PGLYRP3: variants seen among roughly 807,000 people sequenced by gnomAD.
The protein encoded by PGLYRP3 is peptidoglycan recognition protein 3, also known as peptidoglycan recognition protein I alpha.
Under a neutral mutation model 36.0 loss-of-function variants are expected in PGLYRP3, and 39 were observed. The ratio of observed to expected loss-of-function variants is 1.08; its 90% CI spans 0.84 to 1.41. The LOEUF is 1.41. PGLYRP3 is among the 40% of genes most tolerant of loss of function. The pLI is 0.00. For missense variants in PGLYRP3, 407 were observed against 427.9 expected, an observed-to-expected ratio of 0.95 and a Z score of 0.43; for synonymous variants, 204 against 172.8, an observed-to-expected ratio of 1.18 and a Z score of -1.42.
At chr1:153,302,683 G>C in intron 5 of PGLYRP3, 76 bp from the exon 6 acceptor site, 2 of 1,417,518 alleles carry the variant, frequency 1.4e-6, no homozygotes, top group Admixed American at 3.5e-5. Flanking sequence ...CTCCAGGCTG[G>C]ATTATTCCTC....
Position 153,304,491 on chromosome 1 carries a change from A to T in PGLYRP3, c.376+456T>A, listed in dbSNP as rs145589270. Among the ~76,000 whole-genome samples, 467 of 152,266 alleles carry T rather than the reference A, an allele frequency of 3.1e-3. 2 individuals are homozygous for T. Among genetic ancestry groups the T allele is most frequent in the African/African-American group, 9.9e-3 (413 of 41,540 alleles). On this transcript the variant is annotated intron_variant, in intron 4 of 7. Transcript: ENST00000683862. ...GGCAGGTGCTGGTTCCATATGTATTATTTCTCAGCTCCATCCCTGTTCTGT... is the reference window on the plus strand; with the variant it reads ...GGCAGGTGCTGGTTCCATATGTATTTTTTCTCAGCTCCATCCCTGTTCTGT...
chr1:153,306,385 G>C (rs1482721485), intron 3 of PGLYRP3, among the ~76,000 whole-genome samples: 1 of 152,174 alleles, frequency 6.6e-6, no homozygotes, highest in Non-Finnish European at 1.5e-5. Context: ...TTCCACTGAT[G>C]ATCCCCAGAG....
chr1:153,302,213 ACGT>A (rs1468436687), intron 6 of PGLYRP3, among the ~76,000 whole-genome samples, 193 bp downstream of exon 6: 1 of 152,224 alleles, frequency 6.6e-6, no homozygotes, highest in African/African-American at 2.4e-5. Flanking sequence ...TTGTGGAGAT[ACGT>A]CCAAGCGAGG....
chr1:153,302,630 G>A (rs977607936), intron 5 of PGLYRP3, 23 bp from the exon 6 acceptor site: 1 of 1,612,462 alleles, frequency 6.2e-7, no homozygotes, highest in Non-Finnish European at 8.5e-7. Flanking sequence ...GAAAAGCCAA[G>A]GAAGTAGGAA....
intron 2 of PGLYRP3, among the ~76,000 whole-genome samples, chr1:153,308,308 CA>C (rs1659809051): frequency 6.6e-6 from 1 of 152,210 alleles, no homozygotes; most frequent in East Asian, 1.9e-4. Context: ...TCTCTTTCTT[CA>C]TTTGAGTTTC....
chr1:153,307,998 C>CTA (rs1331121808), intron 2 of PGLYRP3, among the ~76,000 whole-genome samples: 1 of 121,738 alleles, frequency 8.2e-6, no homozygotes, highest in Non-Finnish European at 1.9e-5. Context: ...CCTTCTCTCT[C>CTA]TCTTTTTTTT....
chr1:153,304,070 C>A (rs1659674770), intron 4 of PGLYRP3, 61 bp from the exon 5 acceptor site: 1 of 1,496,430 alleles, frequency 6.7e-7, no homozygotes, highest in Non-Finnish European at 9.1e-7. Flanking sequence ...AGACCAGACA[C>A]CTGCAGAAAG....
At chr1:153,311,959 T>C (rs1659906062) in intron 1 of PGLYRP3, among the ~76,000 whole-genome samples, 2 of 152,204 alleles carry the variant, frequency 1.3e-5, no homozygotes, top group African/African-American at 4.8e-5. Context: ...GGAAAAATGT[T>C]CAGCCTCCCT....
chr1:153,301,691 C>T (rs774769488), intron 6 of PGLYRP3, among the ~76,000 whole-genome samples: 5 of 152,352 alleles, frequency 3.3e-5, no homozygotes, highest in Admixed American at 2.0e-4. Context: ...TGCAAAAGCA[C>T]ATCTACCTGA....
intron 2 of PGLYRP3, among the ~76,000 whole-genome samples, chr1:153,308,626 A>G (rs1234749387): frequency 6.6e-6 from 1 of 152,208 alleles, no homozygotes; most frequent in Non-Finnish European, 1.5e-5. Flanking sequence ...CCCCTGCAAG[A>G]GAGCACTGGT....
At chr1:153,303,698 A>G (rs1352141877) in intron 5 of PGLYRP3, among the ~76,000 whole-genome samples, 159 bp downstream of exon 5, 1 of 152,222 alleles carries the variant, frequency 6.6e-6, no homozygotes, top group Admixed American at 6.5e-5. Context: ...GAGGCCAGGA[A>G]GATGCCCTCT....
intron 6 of PGLYRP3, among the ~76,000 whole-genome samples, chr1:153,300,778 CT>C (rs1392203721): frequency 6.6e-6 from 1 of 152,120 alleles, no homozygotes; most frequent in Non-Finnish European, 1.5e-5. Context: ...TCAAAACAAA[CT>C]TTTGCCTTTT....
intron 6 of PGLYRP3, among the ~76,000 whole-genome samples, chr1:153,301,183 A>G (rs1396619837): frequency 6.6e-6 from 1 of 152,120 alleles, no homozygotes; most frequent in Non-Finnish European, 1.5e-5. Flanking sequence ...GGCCTCCTAA[A>G]ATGCTGAGAT....
chr1:153,307,627 T>TA (rs1322400617), intron 2 of PGLYRP3, among the ~76,000 whole-genome samples: 1 of 152,136 alleles, frequency 6.6e-6, no homozygotes, highest in Non-Finnish European at 1.5e-5. Context: ...GCTGCCTCCT[T>TA]AGCCCAGAAG....
At position 153,307,080 on chromosome 1, in the gene PGLYRP3, G is replaced by A. The variant is rs372903915; in HGVS notation, c.243C>T (p.Cys81=). Residue 81 remains cysteine (C), a synonymous_variant, in exon 3 of 8, where the codon TGC becomes TGT. Transcript: ENST00000683862. ...QSHSVYTIGW[C]DVAYNFLVGD... Reference sequence around the variant, plus strand: ...TAGCCTCTTACTTGTACGCCACGTCGCACCAGCCTATGGTGTAGACGGAAT... The same window carrying A: ...TAGCCTCTTACTTGTACGCCACGTCACACCAGCCTATGGTGTAGACGGAAT... The A allele has an allele frequency of 2.6e-5, 42 of 1,613,268 alleles. No homozygotes were observed. The highest frequency in any genetic ancestry group is 5.5e-5 in the South Asian group (5 of 90,944).
chr1:153,308,159 T>G (rs1659801405), intron 2 of PGLYRP3, among the ~76,000 whole-genome samples: 5 of 152,074 alleles, frequency 3.3e-5, no homozygotes, highest in Admixed American at 2.6e-4. Context: ...TATGCCAAAC[T>G]AATTTTTTGT....
At chr1:153,303,344 G>C (rs568549699) in intron 5 of PGLYRP3, among the ~76,000 whole-genome samples, 1 of 152,196 alleles carries the variant, frequency 6.6e-6, no homozygotes, top group Admixed American at 6.5e-5. Context: ...CATTTAGAAA[G>C]GTATGTAAGC....
intron 6 of PGLYRP3, 97 bp downstream of exon 6, chr1:153,302,312 C>T: frequency 7.3e-7 from 1 of 1,377,538 alleles, no homozygotes; most frequent in Non-Finnish European, 1.0e-6. Flanking sequence ...CCACCCAGCC[C>T]AAAGGAGAGG....
chr1:153,311,672 C>T (rs181630589), intron 1 of PGLYRP3, among the ~76,000 whole-genome samples: 3 of 152,344 alleles, frequency 2.0e-5, no homozygotes, highest in African/African-American at 7.2e-5. Flanking sequence ...CCCAAAACAT[C>T]AACTTTCCCC....
Sources: gnomAD v4.1 joint callset for allele counts (sites outside exome capture counted in the v4.1 genomes callset) on GRCh38, gnomAD v4.1.1 for gene constraint, MANE v1.5 for transcripts, NCBI Gene and HGNC (gene_info 2026-07-23, HGNC 2026-07-21) for gene names.